FMN2: variants seen among roughly 807,000 people sequenced by gnomAD.
FMN2 encodes formin 2.
FMN2 carries 51 observed loss-of-function variants against 142.3 expected under a neutral mutation model. That is an observed-to-expected ratio of 0.36 (90% confidence interval 0.29 to 0.45). The LOEUF is 0.45. Ranked by LOEUF, FMN2 falls within the 20% of genes least tolerant of loss-of-function variation. The pLI is 1.00. For missense variants in FMN2, 1,936 were observed against 2,122.8 expected, an observed-to-expected ratio of 0.91 and a Z score of 1.73; for synonymous variants, 882 against 869.8, an observed-to-expected ratio of 1.01 and a Z score of -0.25.
At chr1:240,141,537 T>A (rs1198219909) in intron 2 of FMN2, among the ~76,000 whole-genome samples, 2 of 151,824 alleles carry the variant, frequency 1.3e-5, no homozygotes, top group African/African-American at 4.8e-5. Context: ...ACAGCTACTT[T>A]TTTTATATTT....
intron 7 of FMN2, among the ~76,000 whole-genome samples, chr1:240,264,067 G>C (rs1463264173): frequency 6.6e-6 from 1 of 152,104 alleles, no homozygotes; most frequent in East Asian, 1.9e-4. Context: ...TTTAATTTCT[G>C]AGCCTAATGA....
chr1:240,111,032 A>G (rs143624488), intron 1 of FMN2, among the ~76,000 whole-genome samples: 107 of 152,342 alleles, frequency 7.0e-4, no homozygotes, highest in African/African-American at 2.5e-3. Context: ...TTTTAATCAC[A>G]TTTACAAGTA....
rs530417412 is a variant in FMN2, at chr1:240,148,255, TAGAC to T, written c.1782+24914_1782+24917del. ...AGAGACCGAGAGAGACAAACAGAGA[TAGAC>T]AGAGAGACAGAGATAGACAGAGACA... On this transcript the variant is annotated intron_variant, in intron 2 of 17. Transcript: ENST00000319653. Among the ~76,000 whole-genome samples, 1,059 of 135,346 alleles carry T rather than the reference TAGAC, an allele frequency of 7.8e-3. 5 individuals are homozygous for T. The highest frequency in any genetic ancestry group is 0.011 in the Non-Finnish European group (688 of 62,884). 88.8% of individuals were successfully genotyped at this position (135,346 alleles called of 152,430 possible).
At chr1:240,247,037 C>T (rs1436518425) in intron 6 of FMN2, among the ~76,000 whole-genome samples, 1 of 152,100 alleles carries the variant, frequency 6.6e-6, no homozygotes, top group Non-Finnish European at 1.5e-5. Flanking sequence ...AGCAGTGGTT[C>T]GTAATGCAAA....
At chr1:240,264,933 T>G (rs1263443647) in intron 7 of FMN2, among the ~76,000 whole-genome samples, 1 of 152,146 alleles carries the variant, frequency 6.6e-6, no homozygotes, top group Non-Finnish European at 1.5e-5. Flanking sequence ...TAATTCCCAC[T>G]TTATAGTAGG....
At chr1:240,211,488 C>T (rs1486014997) in intron 6 of FMN2, among the ~76,000 whole-genome samples, 9 of 152,116 alleles carry the variant, frequency 5.9e-5, no homozygotes, top group South Asian at 2.1e-4. Flanking sequence ...CCAAAATATC[C>T]GCCATTGTTT....
intron 2 of FMN2, among the ~76,000 whole-genome samples, chr1:240,177,361 CT>C (rs201779468): frequency 2.0e-3 from 272 of 137,286 alleles, no homozygotes; most frequent in Admixed American, 2.4e-3. Context: ...CTATTCAATT[CT>C]TTTTTTTTTT....
At chr1:240,419,504 C>G (rs1045824892) in intron 15 of FMN2, among the ~76,000 whole-genome samples, 4 of 152,126 alleles carry the variant, frequency 2.6e-5, no homozygotes, top group Non-Finnish European at 4.4e-5. Flanking sequence ...CCACTACAAG[C>G]TGTACTTTTG....
At chr1:240,136,612 T>G (rs576654249) in intron 2 of FMN2, among the ~76,000 whole-genome samples, 4 of 152,338 alleles carry the variant, frequency 2.6e-5, no homozygotes, top group Non-Finnish European at 4.4e-5. Flanking sequence ...TTTGAATTTG[T>G]ATGATGGACT....
At chr1:240,377,312 G>GT (rs56014009) in intron 14 of FMN2, among the ~76,000 whole-genome samples, 157 of 146,644 alleles carry the variant, frequency 1.1e-3, no homozygotes, top group South Asian at 2.4e-3. Context: ...CAGTTAACAG[G>GT]TTTTTTTTTT....
Position 240,283,052 on chromosome 1 carries a change from G to A in FMN2, c.4154-11770G>A, listed in dbSNP as rs534689070. On this transcript the variant is annotated intron_variant, in intron 7 of 17. Transcript: ENST00000319653. ...TTCACATCCAGTTGCACAGTGACAT[G>A]CACCTCCCGAAGGTTTCTATGCTTT... Among the ~76,000 whole-genome samples, 6 of 152,278 alleles carry A rather than the reference G, an allele frequency of 3.9e-5. No individual in the cohort carries two copies. In the East Asian group the frequency reaches 9.6e-4, roughly 24 times the overall value.
chr1:240,437,144 A>G (rs937816642), intron 15 of FMN2, among the ~76,000 whole-genome samples: 1 of 152,156 alleles, frequency 6.6e-6, no homozygotes, highest in African/African-American at 2.4e-5. Context: ...TCTGAGCTCC[A>G]TATAGCTGTA....
chr1:240,462,117 C>G (rs1413900164), intron 16 of FMN2, among the ~76,000 whole-genome samples: 5 of 152,168 alleles, frequency 3.3e-5, no homozygotes, highest in Non-Finnish European at 5.9e-5. Context: ...GTAAATTCAT[C>G]TAGGTATCCT....
chr1:240,442,450 G>A (rs2103189419), intron 16 of FMN2, among the ~76,000 whole-genome samples: 1 of 152,302 alleles, frequency 6.6e-6, no homozygotes, highest in East Asian at 1.9e-4. Context: ...CAGTGTTTTT[G>A]AAGGAAGAAC....
At position 240,347,109 on chromosome 1, in the gene FMN2, T is replaced by C. The variant is rs568636658; in HGVS notation, c.4766-8707T>C. 2.0e-5 allele frequency among the ~76,000 whole-genome samples: 3 copies of C among 152,278 alleles called. No homozygotes were observed. The South Asian group carries it at 6.2e-4, about 32-fold the overall frequency. ...CTGCTTCTACTATTTCTGTGTGAAGTTGGGGAAACAAAAACCACATTTACT... is the reference window on the plus strand; with the variant it reads ...CTGCTTCTACTATTTCTGTGTGAAGCTGGGGAAACAAAAACCACATTTACT... On this transcript the variant is annotated intron_variant, in intron 13 of 17. Coordinates refer to ENST00000319653, the MANE Select transcript of FMN2 (RefSeq NM_020066.5).
rs71168898 is a variant in FMN2, at chr1:240,121,735, TAAAAAAAAAAAAAAAAA to T, written c.1616-1429_1616-1413del. 2.5e-3 allele frequency among the ~76,000 whole-genome samples: 64 copies of T among 25,682 alleles called. 2 individuals are homozygous for T. The highest frequency in any genetic ancestry group is 8.6e-3 in the African/African-American group (57 of 6,618). 16.8% of individuals were successfully genotyped at this position (25,682 alleles called of 152,430 possible). ...CTCTTGCCTTTTTTTAGGGAAATAGTAAAAAAAAAAAAAAAAAAAAAAAAAAAAAAAGTCCTTAAGTT... is the reference window on the plus strand; with the variant it reads ...CTCTTGCCTTTTTTTAGGGAAATAGTAAAAAAAAAAAAAAGTCCTTAAGTT... On this transcript the variant is annotated intron_variant, in intron 1 of 17. Transcript: ENST00000319653.
rs535669709 is a variant in FMN2, at chr1:240,354,610, G to A, written c.4766-1206G>A. On this transcript the variant is annotated intron_variant, in intron 13 of 17. Transcript: ENST00000319653. The stretch of plus-strand genomic sequence containing the variant: ...CAGAGAGAACCCTGGATCTGCCTAC[G>A]CTGATCTTAGATTTTACTAAGCCCA... 1.1e-3 allele frequency among the ~76,000 whole-genome samples: 168 copies of A among 152,260 alleles called. 1 individual carries two copies. Among genetic ancestry groups the A allele is most frequent in the African/African-American group, 3.5e-3 (145 of 41,564 alleles).
chr1:240,448,819 T>C (rs200202981), intron 16 of FMN2, among the ~76,000 whole-genome samples: 109,896 of 151,312 alleles, frequency 0.73, 40,046 homozygotes, highest in East Asian at 0.89. Context: ...AGACCCTGTT[T>C]TAAAAAAAAT....
intron 10 of FMN2, 132 bp downstream of exon 10, chr1:240,329,600 A>C (rs572393965): frequency 2.6e-5 from 31 of 1,215,040 alleles, no homozygotes; most frequent in Non-Finnish European, 3.5e-5. Context: ...GTCCCACAGA[A>C]GGGAACATTT....
Sources: gnomAD v4.1 joint callset for allele counts (sites outside exome capture counted in the v4.1 genomes callset) on GRCh38, gnomAD v4.1.1 for gene constraint, MANE v1.5 for transcripts, NCBI Gene and HGNC (gene_info 2026-07-23, HGNC 2026-07-21) for gene names.